The following CFAP61 variants were observed in gnomAD, a reference collection of about 807,000 sequenced individuals.
CFAP61 encodes the protein cilia and flagella associated protein 61, also known as cilia- and flagella-associated protein 61.
In CFAP61, 107 loss-of-function variants were observed where a neutral mutation model predicts 135.6. The ratio of observed to expected loss-of-function variants is 0.79; its 90% CI spans 0.67 to 0.93. The LOEUF is 0.93. Among genes scored for constraint, CFAP61 ranks in the 40% least tolerant of loss-of-function variants. The pLI, the probability that CFAP61 is intolerant of heterozygous loss-of-function variation, is 0.00. For missense variants in CFAP61, 1,507 were observed against 1,556.2 expected (o/e 0.97, Z 0.53); for synonymous variants, 575 against 578.5 (o/e 0.99, Z 0.09).
chr20:20,287,078 A>C (rs1569244435), intron 22 of CFAP61, among the ~76,000 whole-genome samples: 1 of 152,204 alleles, frequency 6.6e-6, no homozygotes, highest in Non-Finnish European at 1.5e-5. Context: ...AGAGATGGGG[A>C]AAGAGAATGA....
chr20:20,192,937 C>G (rs2056029933), intron 15 of CFAP61, among the ~76,000 whole-genome samples: 1 of 152,102 alleles, frequency 6.6e-6, no homozygotes, highest in South Asian at 2.1e-4. Flanking sequence ...CAGCCATCAC[C>G]TCCACCCTAT....
intron 25 of CFAP61, chr20:20,322,535 C>T (rs1442764070): frequency 8.1e-6 from 2 of 247,814 alleles, no homozygotes; most frequent in Non-Finnish European, 1.3e-5. Flanking sequence ...TGTATCTAAG[C>T]CCCCTTCTCA....
intron 17 of CFAP61, among the ~76,000 whole-genome samples, chr20:20,206,803 T>G (rs1370036647): frequency 6.6e-6 from 1 of 152,028 alleles, no homozygotes; most frequent in Non-Finnish European, 1.5e-5. Context: ...TACCTACAAG[T>G]GGGACTGCTG....
chr20:20,320,158 T>C (rs2122237320), intron 25 of CFAP61, among the ~76,000 whole-genome samples: 1 of 150,702 alleles, frequency 6.6e-6, no homozygotes, highest in South Asian at 2.1e-4. Flanking sequence ...ATTAGCATAG[T>C]TTTTAAAAAC....
At chr20:20,159,140 TTCTCTATCTGTC>T (rs2053191869) in intron 9 of CFAP61, among the ~76,000 whole-genome samples, 1 of 152,232 alleles carries the variant, frequency 6.6e-6, no homozygotes, top group East Asian at 1.9e-4. Context: ...AAGCATCTGT[TTCTCTATCTGTC>T]TGTCTTTATT....
At chr20:20,348,072 C>T (rs2058698182) in intron 26 of CFAP61, among the ~76,000 whole-genome samples, 1 of 152,084 alleles carries the variant, frequency 6.6e-6, no homozygotes, top group African/African-American at 2.4e-5. Context: ...GACCGGATGG[C>T]TTCGTTAGTG....
At chr20:20,218,585 A>C (rs2048192168) in intron 17 of CFAP61, among the ~76,000 whole-genome samples, 1 of 152,064 alleles carries the variant, frequency 6.6e-6, no homozygotes, top group African/African-American at 2.4e-5. Context: ...CTTTTAACCC[A>C]CTGTATTTTG....
intron 7 of CFAP61, among the ~76,000 whole-genome samples, chr20:20,096,318 T>G (rs2047565586): frequency 6.6e-6 from 1 of 152,246 alleles, no homozygotes; most frequent in African/African-American, 2.4e-5. Context: ...TTGTGAACTT[T>G]TGTAAATTGT....
At chr20:20,355,008 A>T (rs549040746) in intron 26 of CFAP61, among the ~76,000 whole-genome samples, 1 of 133,918 alleles carries the variant, frequency 7.5e-6, no homozygotes, top group African/African-American at 2.9e-5. Context: ...GGAGATGGTC[A>T]CACTGCAAGA....
chr20:20,282,391 A>G (rs1014703188), intron 22 of CFAP61, among the ~76,000 whole-genome samples: 3 of 151,984 alleles, frequency 2.0e-5, no homozygotes, highest in Non-Finnish European at 4.4e-5. Flanking sequence ...CTTAAGGTAG[A>G]GCCTTAAGTC....
At chr20:20,143,126 T>C (rs1171069124) in intron 9 of CFAP61, among the ~76,000 whole-genome samples, 178 bp downstream of exon 9, 4 of 152,168 alleles carry the variant, frequency 2.6e-5, no homozygotes, top group African/African-American at 4.8e-5. Context: ...CCTCTGTGTT[T>C]GTAACAGACA....
intron 9 of CFAP61, among the ~76,000 whole-genome samples, chr20:20,146,068 G>A (rs950227562): frequency 6.6e-6 from 1 of 152,194 alleles, no homozygotes; most frequent in Non-Finnish European, 1.5e-5. Context: ...GTGACACACT[G>A]TGAACAATGT....
intron 25 of CFAP61, among the ~76,000 whole-genome samples, chr20:20,321,885 G>A (rs1362431437): frequency 6.6e-6 from 1 of 152,174 alleles, no homozygotes; most frequent in Non-Finnish European, 1.5e-5. Flanking sequence ...TACCAATAGA[G>A]TTTGGCAGAA....
At chr20:20,159,287 C>A (rs745474144) in intron 9 of CFAP61, 83 bp from the exon 10 acceptor site, 9 of 1,257,386 alleles carry the variant, frequency 7.2e-6, no homozygotes, top group Admixed American at 5.6e-5. Context: ...AGGGTCTGAA[C>A]CCTGGCAGTT....
chr20:20,352,192 T>C (rs1441208487), intron 26 of CFAP61, among the ~76,000 whole-genome samples: 2 of 152,046 alleles, frequency 1.3e-5, no homozygotes, highest in Non-Finnish European at 2.9e-5. Flanking sequence ...GGCAGGAGCA[T>C]GAGAAGAGCA....
intron 20 of CFAP61, chr20:20,253,419 T>C (rs924612773): frequency 3.8e-6 from 1 of 262,770 alleles, no homozygotes; most frequent in Non-Finnish European, 7.6e-6. Context: ...CTCATCTCAC[T>C]GTGGCAGGCA....
chr20:20,122,998 G>T (rs934034906), intron 8 of CFAP61, among the ~76,000 whole-genome samples: 5 of 151,666 alleles, frequency 3.3e-5, no homozygotes, highest in Non-Finnish European at 5.9e-5. Context: ...TTGTGGTTTT[G>T]ATTTGCATTT....
intron 25 of CFAP61, among the ~76,000 whole-genome samples, chr20:20,328,244 AC>A (rs2122290732): frequency 6.6e-6 from 1 of 152,266 alleles, no homozygotes; most frequent in South Asian, 2.1e-4. Flanking sequence ...CATGTTTTAA[AC>A]ATTCCCCATA....
At chr20:20,164,907 G>A (rs2053698999) in intron 11 of CFAP61, among the ~76,000 whole-genome samples, 1 of 152,218 alleles carries the variant, frequency 6.6e-6, no homozygotes, top group Admixed American at 6.5e-5. Flanking sequence ...AAGAGACAAT[G>A]AGAGCCAAGT....
Sources: allele counts gnomAD v4.1 joint callset (sites outside exome capture counted in the v4.1 genomes callset), GRCh38; gene constraint gnomAD v4.1.1; transcripts MANE v1.5; gene names NCBI Gene and HGNC (gene_info 2026-07-23, HGNC 2026-07-21).